The following RBFOX1 variants were observed in gnomAD, a reference collection of about 807,000 sequenced individuals.
The protein encoded by RBFOX1 is RNA binding protein fox-1 homolog 1.
In RBFOX1, 8 loss-of-function variants were observed where a neutral mutation model predicts 57.7. That is an observed-to-expected ratio of 0.14 (90% CI 0.08 to 0.25). The LOEUF (loss-of-function observed/expected upper bound fraction) is 0.25, where lower values mean the gene tolerates loss of function less well. Among genes scored for constraint, RBFOX1 ranks in the 10% least tolerant of loss-of-function variants. The pLI is 1.00. For missense variants in RBFOX1, 611 were observed against 548.5 expected, an observed-to-expected ratio of 1.11 and a Z score of -1.14; for synonymous variants, 326 against 222.4, an observed-to-expected ratio of 1.47 and a Z score of -4.15.
At chr16:7,705,967 T>G (rs1044713699) in intron 14 of RBFOX1, among the ~76,000 whole-genome samples, 2 of 152,160 alleles carry the variant, frequency 1.3e-5, no homozygotes, top group African/African-American at 2.4e-5. Flanking sequence ...GATGACCATA[T>G]AGCTGGTCGT....
intron 1 of RBFOX1, among the ~76,000 whole-genome samples, chr16:6,024,558 A>T (rs1474808554): frequency 1.3e-5 from 2 of 152,092 alleles, no homozygotes; most frequent in Non-Finnish European, 1.5e-5. Flanking sequence ...GTGTGATCTC[A>T]TCTCACTGCC....
chr16:6,330,944 G>A (rs1460991341), intron 2 of RBFOX1, among the ~76,000 whole-genome samples: 1 of 152,138 alleles, frequency 6.6e-6, no homozygotes, highest in African/African-American at 2.4e-5. Context: ...ATCCTAGAAG[G>A]GGACATAGGA....
At chr16:6,680,046 C>A (rs1177892072) in intron 3 of RBFOX1, among the ~76,000 whole-genome samples, 2 of 151,992 alleles carry the variant, frequency 1.3e-5, no homozygotes, top group African/African-American at 4.8e-5. Context: ...TCTGCTGTTT[C>A]ATAACAGTGT....
chr16:6,896,522 C>G (rs2066959432), intron 3 of RBFOX1, among the ~76,000 whole-genome samples: 1 of 152,226 alleles, frequency 6.6e-6, no homozygotes, highest in Non-Finnish European at 1.5e-5. Flanking sequence ...TATATGATGT[C>G]TGTTTTTCTG....
intron 4 of RBFOX1, among the ~76,000 whole-genome samples, chr16:7,207,892 G>C (rs186106737): frequency 6.6e-6 from 1 of 152,158 alleles, no homozygotes; most frequent in Non-Finnish European, 1.5e-5. Context: ...TGGTGACAGT[G>C]AGAGTTGAAC....
chr16:5,662,753 G>A (rs988206262), intron 3 of RBFOX1, among the ~76,000 whole-genome samples: 1 of 152,200 alleles, frequency 6.6e-6, no homozygotes, highest in Non-Finnish European at 1.5e-5. Context: ...AAGTTCCAGT[G>A]CTAGTTGAAA....
intron 4 of RBFOX1, among the ~76,000 whole-genome samples, chr16:7,065,878 C>A (rs1382847775): frequency 6.6e-6 from 1 of 152,162 alleles, no homozygotes; most frequent in East Asian, 1.9e-4. Flanking sequence ...TTAGACGCTA[C>A]ATGGAAGTGA....
chr16:7,397,908 T>C (rs768625927), intron 4 of RBFOX1, among the ~76,000 whole-genome samples: 3 of 152,146 alleles, frequency 2.0e-5, no homozygotes, highest in Non-Finnish European at 4.4e-5. Context: ...AACTACCTGA[T>C]TTTTTAGGCC....
intron 4 of RBFOX1, among the ~76,000 whole-genome samples, chr16:5,997,230 C>G (rs959635627): frequency 1.3e-5 from 2 of 152,202 alleles, no homozygotes; most frequent in African/African-American, 4.8e-5. Flanking sequence ...AGGTCAGCCT[C>G]CTGCCTGGGG....
intron 3 of RBFOX1, among the ~76,000 whole-genome samples, chr16:6,944,950 C>G (rs2079205623): frequency 6.6e-6 from 1 of 152,136 alleles, no homozygotes. Flanking sequence ...TGAAAAGTGG[C>G]TGACTGCTGT....
chr16:5,750,330 A>T (rs1247551411), intron 3 of RBFOX1, among the ~76,000 whole-genome samples: 3 of 152,176 alleles, frequency 2.0e-5, no homozygotes, highest in Non-Finnish European at 4.4e-5. Flanking sequence ...GTACTTGAGG[A>T]GGCAGACTGT....
At chr16:7,042,503 A>T (rs138822481) in intron 3 of RBFOX1, among the ~76,000 whole-genome samples, 39 of 152,348 alleles carry the variant, frequency 2.6e-4, no homozygotes, top group Middle Eastern at 6.8e-3. Flanking sequence ...AATGAAATCA[A>T]TTGTCAGCTG....
intron 4 of RBFOX1, among the ~76,000 whole-genome samples, chr16:7,437,301 G>C (rs1261008545): frequency 6.7e-6 from 1 of 148,622 alleles, no homozygotes; most frequent in Non-Finnish European, 1.5e-5. Context: ...TCTCCAAACA[G>C]GCAGCTCCCA....
chr16:6,250,058 C>A (rs905827392), intron 1 of RBFOX1, among the ~76,000 whole-genome samples: 1 of 152,052 alleles, frequency 6.6e-6, no homozygotes, highest in Non-Finnish European at 1.5e-5. Flanking sequence ...GTTAAGTTAG[C>A]CCAGGCACGT....
chr16:7,175,208 G>A (rs567937503), intron 4 of RBFOX1, among the ~76,000 whole-genome samples: 25 of 151,714 alleles, frequency 1.6e-4, no homozygotes, highest in African/African-American at 6.0e-4. Flanking sequence ...ATCCACCCCA[G>A]CCCCCAATAG....
At chr16:5,331,751 G>T (rs1331595735) in intron 1 of RBFOX1, among the ~76,000 whole-genome samples, 2 of 152,242 alleles carry the variant, frequency 1.3e-5, no homozygotes, top group Non-Finnish European at 2.9e-5. Flanking sequence ...TTCCCCATGG[G>T]CTCTCAGCAG....
At chr16:7,320,607 G>A (rs899506353) in intron 4 of RBFOX1, among the ~76,000 whole-genome samples, 3 of 152,150 alleles carry the variant, frequency 2.0e-5, no homozygotes, top group Non-Finnish European at 4.4e-5. Flanking sequence ...AATCAAACTT[G>A]CTTAAGCAAA....
intron 3 of RBFOX1, among the ~76,000 whole-genome samples, chr16:6,722,137 C>G (rs999057560): frequency 3.9e-5 from 6 of 152,166 alleles, no homozygotes; most frequent in Non-Finnish European, 5.9e-5. Context: ...CTCTGGGACC[C>G]TGCTTTCCAT....
chr16:7,506,869 C>A (rs1008708089), intron 4 of RBFOX1, among the ~76,000 whole-genome samples: 1 of 152,156 alleles, frequency 6.6e-6, no homozygotes, highest in African/African-American at 2.4e-5. Flanking sequence ...ACACACATCC[C>A]TTCTTCCTGG....
Sources: gnomAD v4.1 joint callset for allele counts (sites outside exome capture counted in the v4.1 genomes callset) on GRCh38, gnomAD v4.1.1 for gene constraint, MANE v1.5 for transcripts, NCBI Gene and HGNC (gene_info 2026-07-23, HGNC 2026-07-21) for gene names.